The following OLFML2A variants were observed in gnomAD, a reference collection of about 807,000 sequenced individuals.
OLFML2A encodes olfactomedin-like protein 2A.
In OLFML2A, 47 loss-of-function variants were observed where a neutral mutation model predicts 60.9. The ratio of observed to expected loss-of-function variants is 0.77; its 90% CI spans 0.61 to 0.98. OLFML2A has a LOEUF of 0.98. Ranked by LOEUF, OLFML2A falls within the 50% of genes least tolerant of loss-of-function variation. The probability of loss-of-function intolerance (pLI) is 0.00; values close to 1 mark genes in which losing one functional copy is unlikely to be tolerated. For missense variants in OLFML2A, 922 were observed against 879.8 expected, an observed-to-expected ratio of 1.05 and a Z score of -0.61; for synonymous variants, 372 against 375.0, an observed-to-expected ratio of 0.99 and a Z score of 0.09.
chr9:124,813,617 G>A lies in OLFML2A; in HGVS notation c.*3205G>A, dbSNP rs1009688197. Reference sequence around the variant, plus strand: ...TTTATCCCTAAACTGCATCCACAGAGAAGCCCCAAGAAGGAGGTTGGGGCC... The same window carrying A: ...TTTATCCCTAAACTGCATCCACAGAAAAGCCCCAAGAAGGAGGTTGGGGCC... On this transcript the variant is annotated 3_prime_UTR_variant, in exon 8 of 8. Coordinates refer to ENST00000373580, the MANE Select transcript of OLFML2A (RefSeq NM_182487.4). The A allele has an allele frequency of 1.3e-5, 2 of 152,218 alleles. No homozygotes were observed. Among genetic ancestry groups the A allele is most frequent in the African/African-American group, 4.8e-5 (2 of 41,454 alleles). The allele number at this position is 152,218 out of a possible 1,614,324, so 9.4% of individuals were successfully genotyped here.
chr9:124,780,961 C>T (rs1251905641), intron 1 of OLFML2A, among the ~76,000 whole-genome samples: 1 of 152,184 alleles, frequency 6.6e-6, no homozygotes, highest in Admixed American at 6.5e-5. Flanking sequence ...AGCCGGAAAG[C>T]GTCTGAACCA....
In OLFML2A at chr9:124,787,229, G is replaced by C. The variant is rs773376543; in HGVS notation, c.345G>C (p.Glu115Asp). The C allele has an allele frequency of 6.2e-6, 10 of 1,614,004 alleles. No homozygotes were observed. The highest frequency in any genetic ancestry group is 3.3e-5 in the Admixed American group (2 of 60,022). The change falls in exon 2 of 8, where the codon GAG (glutamate) becomes GAC (aspartate). Residue 115 changes from glutamate (E) to aspartate (D), a missense_variant. By Grantham distance (45) the Glu-to-Asp change is conservative (BLOSUM62 2). Transcript: ENST00000373580. ...AGAAACTCAAAAAGCAGGCGCCCGA[G>C]CTCCTCAAGGTAGACTTGGTGGGGT... ...KMEKLKKQAP[E>D]LLKLQSMVDL... is the part of the protein sequence containing the mutation.
Position 124,810,085 on chromosome 9 carries a change from GCC to G in OLFML2A, c.1634_1635del (p.Pro545ArgfsTer132). On this transcript the variant is annotated frameshift_variant, in exon 8 of 8. Coordinates refer to ENST00000373580, the MANE Select transcript of OLFML2A (RefSeq NM_182487.4). LOFTEE classifies it high-confidence loss of function. ...CCGTGGACGACCGCGATGAGGCCCAGCCCGAGGTGATCGTCCTGAGTCGCTTG... is the reference window on the plus strand; with the variant it reads ...CCGTGGACGACCGCGATGAGGCCCAGCGAGGTGATCGTCCTGAGTCGCTTG... Reference protein sequence around the residue: ...PAVDDRDEAQPEVIVLSRLDP... With the variant: ...PAVDDRDEAQXEVIVLSRLDP... 1 of 1,613,796 alleles carries G rather than the reference GCC, an allele frequency of 6.2e-7. No homozygotes were observed. Among genetic ancestry groups the G allele is most frequent in the South Asian group, 1.1e-5 (1 of 91,074 alleles).
At chr9:124,800,554 G>A (rs1292662713) in intron 4 of OLFML2A, among the ~76,000 whole-genome samples, 2 of 152,196 alleles carry the variant, frequency 1.3e-5, no homozygotes, top group South Asian at 2.1e-4. Context: ...TCCACATCTC[G>A]GTCTCCTTTG....
rs542356581 is a variant in OLFML2A, at chr9:124,810,627, T to C, written c.*215T>C. The C allele has an allele frequency of 5.5e-5, 32 of 584,996 alleles. No homozygotes were observed. The East Asian group carries it at 8.5e-4, about 16-fold the overall frequency. The allele number at this position is 584,996 out of a possible 1,614,324, so 36.2% of individuals were successfully genotyped here. ...CCGTGCCAAGCACTTCCCACACACT[T>C]ACCCGTTTGATTCTCCTAGCACCTC... On this transcript the variant is annotated 3_prime_UTR_variant, in exon 8 of 8. Transcript: ENST00000373580.
At chr9:124,791,544 C>A (rs1344668374) in intron 2 of OLFML2A, among the ~76,000 whole-genome samples, 1 of 152,088 alleles carries the variant, frequency 6.6e-6, no homozygotes, top group Non-Finnish European at 1.5e-5. Context: ...CAAGACCAGC[C>A]TGGCCAACGT....
rs768917879 is a variant in OLFML2A, at chr9:124,787,145, C to T, written c.261C>T (p.Arg87=). 1 of 1,614,218 alleles carries T rather than the reference C, an allele frequency of 6.2e-7. No individual in the cohort carries two copies. Among genetic ancestry groups the T allele is most frequent in the Non-Finnish European group, 8.5e-7 (1 of 1,180,024 alleles). Residue 87 remains arginine (R), a synonymous_variant, in exon 2 of 8, where the codon CGC becomes CGT. Transcript: ENST00000373580. ...CTGTGAGCTCGGGCACTGACTGCCGCTGCTCCTGTACCGCACCTCCCTCCT... is the reference window on the plus strand; with the variant it reads ...CTGTGAGCTCGGGCACTGACTGCCGTTGCTCCTGTACCGCACCTCCCTCCT... The part of the protein sequence containing the change: ...VETVSSGTDC[R]CSCTAPPSSL...
At position 124,799,290 on chromosome 9, in the gene OLFML2A, CA is replaced by C; in HGVS notation, c.470del (p.Lys157ArgfsTer4). ...CAATCCTGCCCCCTCCGCAGAGCAT[CA>C]AGGCCAACCTGAGCCGGGAGAATGA... Reference protein sequence around the residue: ...SQMNTLEESIKANLSRENEVV... With the variant: ...SQMNTLEESIXANLSRENEVV... On this transcript the variant is annotated frameshift_variant, in exon 4 of 8. Transcript: ENST00000373580. LOFTEE classifies it high-confidence loss of function. 4 of 1,609,562 alleles carry C rather than the reference CA, an allele frequency of 2.5e-6. No homozygotes were observed. Among genetic ancestry groups the C allele is most frequent in the Non-Finnish European group, 3.4e-6 (4 of 1,176,470 alleles).
At chr9:124,809,658 AT>A (rs1281598128) in intron 7 of OLFML2A, 149 bp from the exon 8 acceptor site, 1 of 854,046 alleles carries the variant, frequency 1.2e-6, no homozygotes, top group African/African-American at 1.7e-5. Context: ...CGCTTGTGCC[AT>A]AATAAGATGT....
chr9:124,803,201 G>A (rs937061804), intron 5 of OLFML2A, among the ~76,000 whole-genome samples: 7 of 151,804 alleles, frequency 4.6e-5, no homozygotes, highest in Middle Eastern at 3.2e-3. Flanking sequence ...GAGCCACCGC[G>A]CCCGGCCGGT....
rs757802311 is a variant in OLFML2A, at chr9:124,801,636, A to C, written c.892A>C (p.Lys298Gln). The change falls in exon 5 of 8, where the codon AAG (lysine) becomes CAG (glutamine). Residue 298 changes from lysine to glutamine, a missense_variant. Physicochemically the swap from Lys to Gln is moderately conservative, Grantham distance 53 (BLOSUM62 1). Coordinates refer to ENST00000373580, the MANE Select transcript of OLFML2A (RefSeq NM_182487.4). Reference sequence around the variant, plus strand: ...GGGCTTCACCTACTACAAGGCAGGCAAGCAGGAGGTGACCGAGGCGGTGGC... The same window carrying C: ...GGGCTTCACCTACTACAAGGCAGGCCAGCAGGAGGTGACCGAGGCGGTGGC... Reference protein sequence around the residue: ...IRGFTYYKAGKQEVTEAVADN... With the variant: ...IRGFTYYKAGQQEVTEAVADN... 6 of 1,613,404 alleles carry C rather than the reference A, an allele frequency of 3.7e-6. No homozygotes were observed. The Admixed American group carries it at 1.0e-4, about 27-fold the overall frequency.
rs564970249 is a variant in OLFML2A, at chr9:124,803,098, G to A, written c.920-996G>A. Among the ~76,000 whole-genome samples the A allele has an allele frequency of 1.6e-3, 236 of 151,890 alleles. 1 individual carries two copies. The highest frequency in any genetic ancestry group is 5.4e-3 in the African/African-American group (225 of 41,452). On this transcript the variant is annotated intron_variant, in intron 5 of 7. Coordinates refer to ENST00000373580, the MANE Select transcript of OLFML2A (RefSeq NM_182487.4). ...TAATTTTTGTATTTTTAGTAGAGAC[G>A]GGGTTTCGTCATGTTGGCCAAGCTG...
chr9:124,783,209 C>T (rs531187849), intron 1 of OLFML2A, among the ~76,000 whole-genome samples: 3 of 152,284 alleles, frequency 2.0e-5, no homozygotes, highest in East Asian at 1.9e-4. Context: ...TGGTAGCTCA[C>T]GCCTGTAATC....
At chr9:124,798,016 G>C (rs992880918) in intron 3 of OLFML2A, among the ~76,000 whole-genome samples, 3 of 152,208 alleles carry the variant, frequency 2.0e-5, no homozygotes, top group African/African-American at 4.8e-5. Flanking sequence ...TCAGTGCTGG[G>C]AGAGGAGCCG....
intron 7 of OLFML2A, 135 bp from the exon 8 acceptor site, chr9:124,809,673 C>T: frequency 1.0e-6 from 1 of 997,278 alleles, no homozygotes; most frequent in East Asian, 2.5e-5. Context: ...AAGATGTCAT[C>T]CCAGCTCCAG....
Position 124,810,047 on chromosome 9 carries a change from G to C in OLFML2A, c.1594G>C (p.Val532Leu), listed in dbSNP as rs2131284196. 1 of 1,613,916 alleles carries C rather than the reference G, an allele frequency of 6.2e-7. No individual in the cohort carries two copies. Among genetic ancestry groups the C allele is most frequent in the Non-Finnish European group, 8.5e-7 (1 of 1,179,996 alleles). Residue 532 changes from valine (V) to leucine (L), a missense_variant, in exon 8 of 8, where the codon GTC (valine) becomes CTC (leucine). Val to Leu is a conservative substitution (Grantham distance 32). Transcript: ENST00000373580. ...DFAVDESGLW[V>L]IYPAVDDRDE... ...TGCCGTGGACGAGAGCGGCCTGTGG[G>C]TCATCTACCCCGCCGTGGACGACCG...
intron 1 of OLFML2A, among the ~76,000 whole-genome samples, chr9:124,781,365 G>A (rs981046369): frequency 2.0e-5 from 3 of 152,144 alleles, no homozygotes; most frequent in Non-Finnish European, 1.5e-5. Flanking sequence ...GTCCAGTCTT[G>A]GAATGGATTG....
At position 124,792,307 on chromosome 9, in the gene OLFML2A, C is replaced by A. The variant is rs147824489; in HGVS notation, c.355-2717C>A. Among the ~76,000 whole-genome samples, 1,216 of 152,212 alleles carry A rather than the reference C, an allele frequency of 8.0e-3. 13 individuals are homozygous for A. Among genetic ancestry groups the A allele is most frequent in the African/African-American group, 0.028 (1,162 of 41,528 alleles). ...TGCCTCTGTCCCCTGATCTAGGCTCCTGTGTGTCACTACCTGTGCCCCGAT... is the reference window on the plus strand; with the variant it reads ...TGCCTCTGTCCCCTGATCTAGGCTCATGTGTGTCACTACCTGTGCCCCGAT... On this transcript the variant is annotated intron_variant, in intron 2 of 7. Coordinates refer to ENST00000373580, the MANE Select transcript of OLFML2A (RefSeq NM_182487.4).
chr9:124,801,539 G>A lies in OLFML2A; in HGVS notation c.795G>A (p.Glu265=), dbSNP rs776626919. The A allele has an allele frequency of 5.6e-6, 9 of 1,614,134 alleles. No homozygotes were observed. Among genetic ancestry groups the A allele is most frequent in the East Asian group, 2.2e-5 (1 of 44,874 alleles). ...TTCAGGTGGAGAAGCTGAGAAAGGA[G>A]AGCGGCAAGGGCAGTTTCCTCCAGC... ...KLLQVEKLRK[E]SGKGSFLQPT... is the part of the protein sequence containing the mutation. The change falls in exon 5 of 8, where the codon GAG becomes GAA. Residue 265 remains glutamate (E), a synonymous_variant. Transcript: ENST00000373580.
Sources: allele counts gnomAD v4.1 joint callset (sites outside exome capture counted in the v4.1 genomes callset), GRCh38; gene constraint gnomAD v4.1.1; transcripts MANE v1.5; gene names NCBI Gene and HGNC (gene_info 2026-07-23, HGNC 2026-07-21).